STMN4: variants seen among roughly 807,000 people sequenced by gnomAD.
STMN4 encodes the protein stathmin-4.
Under a neutral mutation model 29.1 loss-of-function variants are expected in STMN4, and 12 were observed. The observed-to-expected ratio is 0.41, with a 90% CI of 0.26 to 0.67. STMN4 has a LOEUF of 0.67. Ranked by LOEUF, STMN4 falls within the 30% of genes least tolerant of loss-of-function variation. STMN4 has a pLI of 0.30. For synonymous variants in STMN4, 114 were observed against 105.3 expected (o/e 1.08, Z -0.51); for missense variants, 181 against 262.8 (o/e 0.69, Z 2.15).
At chr8:27,241,782 T>A in intron 3 of STMN4, 25 bp from the exon 4 acceptor site, 1 of 1,613,690 alleles carries the variant, frequency 6.2e-7, no homozygotes, top group Non-Finnish European at 8.5e-7. Flanking sequence ...CAACCTCAGG[T>A]CATCCGAGCA....
rs1801527936 is a variant in STMN4 at position 27,243,251 on chromosome 8, TTTG to T, written c.13+457_13+459del. ...CCATCCTCATTTGCTTGTACAATTTTTTGTTGAGATGAGGGTCTCAATATGTTG... is the reference window on the plus strand; with the variant it reads ...CCATCCTCATTTGCTTGTACAATTTTTTGAGATGAGGGTCTCAATATGTTG... On this transcript the variant is annotated intron_variant, in intron 2 of 6. Coordinates refer to ENST00000350889, the MANE Select transcript of STMN4 (RefSeq NM_030795.4). 2.6e-5 allele frequency among the ~76,000 whole-genome samples: 4 copies of T among 152,216 alleles called. No individual in the cohort carries two copies. In the South Asian group the frequency reaches 8.3e-4, roughly 32 times the overall value.
intron 1 of STMN4, among the ~76,000 whole-genome samples, chr8:27,245,575 G>T (rs542712908): frequency 6.6e-6 from 1 of 152,362 alleles, no homozygotes; most frequent in Non-Finnish European, 1.5e-5. Context: ...AGAGAGGCAG[G>T]CCTGGTGCCT....
At chr8:27,254,556 C>A (rs1283584437) in intron 1 of STMN4, among the ~76,000 whole-genome samples, 2 of 152,030 alleles carry the variant, frequency 1.3e-5, no homozygotes, top group Non-Finnish European at 2.9e-5. Context: ...GAAAGGCCAG[C>A]AAGCTTTGGG....
chr8:27,242,151 A>G, intron 3 of STMN4: 3 of 579,104 alleles, frequency 5.2e-6, no homozygotes, highest in Non-Finnish European at 6.1e-6. Context: ...ATGCATGCAC[A>G]GAGGTGACAA....
chr8:27,241,339 CG>C, intron 4 of STMN4, 77 bp from the exon 5 acceptor site: 1 of 1,578,302 alleles, frequency 6.3e-7, no homozygotes, highest in Non-Finnish European at 8.7e-7. Flanking sequence ...CGCATGCACA[CG>C]GGAGTGGGAG....
intron 5 of STMN4, 135 bp downstream of exon 5, chr8:27,240,919 C>T (rs1562330): frequency 0.37 from 312,237 of 855,382 alleles, 59,232 homozygotes; most frequent in Non-Finnish European, 0.4. Context: ...CATTCTCCAC[C>T]GCACACTCGG....
At chr8:27,249,038 T>G (rs1440502411) in intron 1 of STMN4, among the ~76,000 whole-genome samples, 1 of 152,202 alleles carries the variant, frequency 6.6e-6, no homozygotes, top group East Asian at 1.9e-4. Flanking sequence ...CAGAGCTTTT[T>G]GTTGATGGCT....
At position 27,241,264 on chromosome 8, in the gene STMN4, TAC is replaced by T; in HGVS notation, c.191-4_191-3del. ...ACCAATTCAGGTCCACCGTGTCTGC[TAC>T]AGAGGGCAGAGAAGGGGCTGCTCAC... is the stretch of plus-strand genomic sequence containing the variant. On this transcript the variant is annotated splice_polypyrimidine_tract_variant and splice_region_variant and intron_variant, in intron 4 of 6. Transcript: ENST00000350889. 6.2e-7 allele frequency: 1 copy of T among 1,614,170 alleles called. No individual in the cohort carries two copies. Among genetic ancestry groups the T allele is most frequent in the Non-Finnish European group, 8.5e-7 (1 of 1,180,038 alleles).
At chr8:27,242,588 A>G in intron 2 of STMN4, 96 bp from the exon 3 acceptor site, 1 of 1,276,078 alleles carries the variant, frequency 7.8e-7, no homozygotes, top group South Asian at 1.3e-5. Context: ...CCAGGGTTCC[A>G]TAAAGGCACT....
At chr8:27,250,259 C>A (rs889681903) in intron 1 of STMN4, among the ~76,000 whole-genome samples, 1 of 152,162 alleles carries the variant, frequency 6.6e-6, no homozygotes, top group African/African-American at 2.4e-5. Flanking sequence ...TTATTTCATG[C>A]TGATCAAAAG....
chr8:27,250,473 C>T (rs1434580402), intron 1 of STMN4, among the ~76,000 whole-genome samples: 1 of 152,130 alleles, frequency 6.6e-6, no homozygotes, highest in African/African-American at 2.4e-5. Flanking sequence ...TATCTAGAGC[C>T]ATTGGAGCCT....
intron 6 of STMN4, 38 bp downstream of exon 6, chr8:27,239,933 T>C (rs1315034671): frequency 6.2e-6 from 10 of 1,614,052 alleles, no homozygotes; most frequent in Admixed American, 1.7e-5. Flanking sequence ...GAAAACAGCA[T>C]GTCCCAGGAA....
intron 1 of STMN4, among the ~76,000 whole-genome samples, chr8:27,254,418 A>G (rs1022620103): frequency 6.6e-6 from 1 of 152,162 alleles, no homozygotes; most frequent in African/African-American, 2.4e-5. Context: ...AAAGCCCATC[A>G]TGAATCAGGC....
intron 1 of STMN4, among the ~76,000 whole-genome samples, chr8:27,257,560 T>C (rs915625360): frequency 7.3e-5 from 11 of 151,648 alleles, no homozygotes; most frequent in African/African-American, 2.4e-4. Context: ...CCTGATTGTG[T>C]CTTCCTGGGA....
intron 1 of STMN4, among the ~76,000 whole-genome samples, chr8:27,247,464 G>A (rs866709364): frequency 1.3e-5 from 2 of 152,148 alleles, no homozygotes; most frequent in Admixed American, 6.5e-5. Flanking sequence ...ACTGGGTGGC[G>A]CCAGCCATGG....
intron 1 of STMN4, among the ~76,000 whole-genome samples, 169 bp from the exon 2 acceptor site, chr8:27,243,970 C>G (rs896547758): frequency 2.5e-4 from 38 of 152,344 alleles, no homozygotes; most frequent in Non-Finnish European, 4.3e-4. Flanking sequence ...CGACCTCCCT[C>G]CCACAATGAT....
rs950438075 is a variant in STMN4 at position 27,236,744 on chromosome 8, C to A, written c.*102G>T. On this transcript the variant is annotated 3_prime_UTR_variant, in exon 7 of 7. Transcript: ENST00000350889. ...CGCCCCTTGGCCACCCCCCTCCCCCCAAACCCCAGTGCTGGGAGCGCAGCC... is the reference window on the plus strand; with the variant it reads ...CGCCCCTTGGCCACCCCCCTCCCCCAAAACCCCAGTGCTGGGAGCGCAGCC... 68 of 1,158,200 alleles carry A rather than the reference C, an allele frequency of 5.9e-5. No individual in the cohort carries two copies. The highest frequency in any genetic ancestry group is 7.6e-5 in the Non-Finnish European group (65 of 853,580). 71.7% of individuals were successfully genotyped at this position (1,158,200 alleles called of 1,614,324 possible). A position where few individuals can be genotyped will look rare whatever the true frequency, so the allele number is the denominator to read the frequency against.
At chr8:27,241,865 TCC>T (rs1801485531) in intron 3 of STMN4, 108 bp from the exon 4 acceptor site, 4 of 1,344,800 alleles carry the variant, frequency 3.0e-6, no homozygotes, top group Non-Finnish European at 4.2e-6. Context: ...GGTGACCTGG[TCC>T]CCGAGCACCC....
chr8:27,247,070 C>A (rs539682007), intron 1 of STMN4, among the ~76,000 whole-genome samples: 1 of 151,980 alleles, frequency 6.6e-6, no homozygotes, highest in Non-Finnish European at 1.5e-5. Flanking sequence ...GCCTGGCCAA[C>A]ATGGTGAAAC....
Sources: gnomAD v4.1 joint callset for allele counts (sites outside exome capture counted in the v4.1 genomes callset) on GRCh38, gnomAD v4.1.1 for gene constraint, MANE v1.5 for transcripts, NCBI Gene and HGNC (gene_info 2026-07-23, HGNC 2026-07-21) for gene names.